MYRIP: variants seen among roughly 807,000 people sequenced by gnomAD.
MYRIP encodes myosin VIIA and Rab interacting protein, also known as rab effector MyRIP.
In MYRIP, 49 loss-of-function variants were observed where a neutral mutation model predicts 98.0. That is an observed-to-expected ratio of 0.50 (90% CI 0.40 to 0.63). MYRIP has a LOEUF of 0.63. MYRIP is among the 30% of genes least tolerant of loss of function. The probability of loss-of-function intolerance (pLI) is 0.00; values close to 1 mark genes in which losing one functional copy is unlikely to be tolerated. For synonymous variants in MYRIP, 404 were observed against 409.5 expected (o/e 0.99, Z 0.16); for missense variants, 1,004 against 1,058.2 (o/e 0.95, Z 0.71).
intron 3 of MYRIP, among the ~76,000 whole-genome samples, chr3:40,122,239 A>C (rs1949419029): frequency 6.6e-6 from 1 of 151,494 alleles, no homozygotes; most frequent in African/African-American, 2.4e-5. Flanking sequence ...AAAGTAAATG[A>C]AAAAGAAATT....
chr3:39,886,076 T>C (rs1943294829), intron 1 of MYRIP, among the ~76,000 whole-genome samples: 1 of 151,946 alleles, frequency 6.6e-6, no homozygotes, highest in African/African-American at 2.4e-5. Flanking sequence ...GAATTTCATA[T>C]CCAGCCAAAC....
At chr3:40,055,397 T>C (rs933717660) in intron 3 of MYRIP, among the ~76,000 whole-genome samples, 7 of 152,164 alleles carry the variant, frequency 4.6e-5, no homozygotes, top group African/African-American at 1.7e-4. Context: ...CAAACTGCCA[T>C]CATAGGTAAT....
rs578104385 is a variant in MYRIP, at chr3:40,134,136, C to CA, written c.333-16905dup. The stretch of plus-strand genomic sequence containing the variant: ...AAATCAGGGAATTCCCTTTCCGAGT[C>CA]AAAAAAAGGGATGACAGACAGCACC... On this transcript the variant is annotated intron_variant, in intron 3 of 16. Transcript: ENST00000302541. 2.5e-3 allele frequency among the ~76,000 whole-genome samples: 383 copies of CA among 152,118 alleles called. 3 individuals carry two copies. The highest frequency in any genetic ancestry group is 8.7e-3 in the African/African-American group (360 of 41,496).
At chr3:39,827,052 A>AGG (rs1941287873) in intron 1 of MYRIP, among the ~76,000 whole-genome samples, 1 of 152,048 alleles carries the variant, frequency 6.6e-6, no homozygotes, top group African/African-American at 2.4e-5. Context: ...GTGTCTTTCC[A>AGG]GGTAAGGTGA....
At chr3:39,841,646 G>C (rs1052870346) in intron 1 of MYRIP, among the ~76,000 whole-genome samples, 4 of 151,978 alleles carry the variant, frequency 2.6e-5, no homozygotes, top group Non-Finnish European at 4.4e-5. Context: ...TGTGCCATTG[G>C]GGTCCTTTTT....
intron 2 of MYRIP, among the ~76,000 whole-genome samples, chr3:39,966,969 T>C (rs184193512): frequency 3.3e-4 from 50 of 152,208 alleles, no homozygotes; most frequent in Admixed American, 1.4e-3. Context: ...ACTCACATTA[T>C]ACAGCAGCTC....
intron 3 of MYRIP, among the ~76,000 whole-genome samples, chr3:40,068,269 A>G (rs1407550751): frequency 6.6e-6 from 1 of 152,244 alleles, no homozygotes; most frequent in Admixed American, 6.5e-5. Context: ...AGCAATAAAT[A>G]TCACTTTCAG....
intron 2 of MYRIP, among the ~76,000 whole-genome samples, chr3:40,012,641 T>A (rs1329613133): frequency 6.6e-6 from 1 of 152,198 alleles, no homozygotes; most frequent in Non-Finnish European, 1.5e-5. Flanking sequence ...CATCATCCAA[T>A]CCACTGAGGG....
intron 15 of MYRIP, 121 bp downstream of exon 15, chr3:40,250,620 C>A: frequency 8.7e-7 from 1 of 1,151,468 alleles, no homozygotes; most frequent in Non-Finnish European, 1.2e-6. Flanking sequence ...CAGAATTGCT[C>A]TTGTCTATCT....
chr3:40,181,215 G>A (rs1365591681), intron 8 of MYRIP, among the ~76,000 whole-genome samples: 9 of 114,560 alleles, frequency 7.9e-5, no homozygotes, highest in South Asian at 2.7e-4. Flanking sequence ...TAGTGTAGCC[G>A]AGGTGGTCAC....
chr3:39,995,088 A>G (rs1418912622), intron 2 of MYRIP, among the ~76,000 whole-genome samples: 5 of 150,230 alleles, frequency 3.3e-5, no homozygotes, highest in South Asian at 2.1e-4. Context: ...AAGATGGGGG[A>G]AAAAAACAGC....
At chr3:40,063,482 T>G (rs1303994797) in intron 3 of MYRIP, among the ~76,000 whole-genome samples, 1 of 152,216 alleles carries the variant, frequency 6.6e-6, no homozygotes, top group Non-Finnish European at 1.5e-5. Context: ...ATACAAAAGG[T>G]CTATGCTAAA....
At chr3:40,070,172 T>C (rs1471014596) in intron 3 of MYRIP, among the ~76,000 whole-genome samples, 4 of 152,174 alleles carry the variant, frequency 2.6e-5, no homozygotes, top group Non-Finnish European at 4.4e-5. Context: ...ATAATTCTTA[T>C]AGAGAACATA....
intron 1 of MYRIP, among the ~76,000 whole-genome samples, chr3:39,827,572 C>A (rs951887180): frequency 4.6e-5 from 7 of 152,154 alleles, no homozygotes; most frequent in African/African-American, 1.7e-4. Flanking sequence ...TTTACTTCCT[C>A]TGTTATTACT....
chr3:39,937,839 T>A (rs1291100702), intron 2 of MYRIP, among the ~76,000 whole-genome samples: 2 of 152,182 alleles, frequency 1.3e-5, no homozygotes, highest in African/African-American at 4.8e-5. Context: ...CACTGATATA[T>A]ACTATGTATG....
rs1953685760 is a variant in MYRIP, at chr3:40,258,882, G to C, written c.*716G>C. 6.6e-6 allele frequency: 1 copy of C among 152,320 alleles called. No homozygotes were observed. Among genetic ancestry groups the C allele is most frequent in the Non-Finnish European group, 1.5e-5 (1 of 68,168 alleles). The allele number at this position is 152,320 out of a possible 1,614,324, so 9.4% of individuals were successfully genotyped here. On this transcript the variant is annotated 3_prime_UTR_variant, in exon 17 of 17. Coordinates refer to ENST00000302541, the MANE Select transcript of MYRIP (RefSeq NM_015460.4). ...AAACAATGTCTCATTAAGAATTTAG[G>C]GTTCTTCCATGGGCTTACTGACAGT...
At chr3:39,878,573 C>G (rs1943073261) in intron 1 of MYRIP, among the ~76,000 whole-genome samples, 1 of 151,794 alleles carries the variant, frequency 6.6e-6, no homozygotes, top group African/African-American at 2.4e-5. Flanking sequence ...TATATATACA[C>G]AGAGGTGTAT....
intron 1 of MYRIP, among the ~76,000 whole-genome samples, chr3:39,829,617 G>A (rs111439996): frequency 6.6e-6 from 1 of 152,286 alleles, no homozygotes; most frequent in African/African-American, 2.4e-5. Flanking sequence ...TGCACATCGT[G>A]TGTTGGCTAA....
intron 2 of MYRIP, among the ~76,000 whole-genome samples, chr3:39,939,874 A>G (rs1296696793): frequency 6.6e-6 from 1 of 152,164 alleles, no homozygotes; most frequent in Non-Finnish European, 1.5e-5. Flanking sequence ...TTCCAGAAGT[A>G]GAATTTAGGA....
Sources: gnomAD v4.1 joint callset for allele counts (sites outside exome capture counted in the v4.1 genomes callset) on GRCh38, gnomAD v4.1.1 for gene constraint, MANE v1.5 for transcripts, NCBI Gene and HGNC (gene_info 2026-07-23, HGNC 2026-07-21) for gene names.